The following INPP4B variants were observed in gnomAD, a reference collection of about 807,000 sequenced individuals.
INPP4B encodes inositol polyphosphate 4-phosphatase type II.
Under a neutral mutation model 122.5 loss-of-function variants are expected in INPP4B, and 55 were observed. The ratio of observed to expected loss-of-function variants is 0.45; its 90% CI spans 0.36 to 0.56. The LOEUF (loss-of-function observed/expected upper bound fraction) is 0.56. INPP4B is among the 20% of genes least tolerant of loss of function. The pLI is 0.00. For missense variants in INPP4B, 1,000 were observed against 1,097.7 expected, an observed-to-expected ratio of 0.91 and a Z score of 1.26; for synonymous variants, 403 against 388.7, an observed-to-expected ratio of 1.04 and a Z score of -0.43.
chr4:142,401,507 T>C (rs1483613148), intron 7 of INPP4B, among the ~76,000 whole-genome samples: 1 of 152,136 alleles, frequency 6.6e-6, no homozygotes, highest in African/African-American at 2.4e-5. Context: ...AAAAACAAAA[T>C]TAGTAAATAT....
At chr4:142,623,687 T>C (rs1222381563) in intron 2 of INPP4B, among the ~76,000 whole-genome samples, 1 of 151,754 alleles carries the variant, frequency 6.6e-6, no homozygotes, top group East Asian at 1.9e-4. Flanking sequence ...CATTTAGCAT[T>C]AGGTATATCT....
intron 2 of INPP4B, among the ~76,000 whole-genome samples, chr4:142,540,602 G>A (rs918485918): frequency 2.0e-5 from 3 of 152,150 alleles, no homozygotes; most frequent in South Asian, 4.1e-4. Flanking sequence ...GAAGTCCTGA[G>A]GCAGTCTGTG....
At chr4:142,401,640 ACAGT>A (rs1801627842) in intron 7 of INPP4B, among the ~76,000 whole-genome samples, 1 of 152,218 alleles carries the variant, frequency 6.6e-6, no homozygotes. Context: ...TTACTCTGTA[ACAGT>A]CAGTAACACT....
intron 1 of INPP4B, among the ~76,000 whole-genome samples, chr4:142,830,182 T>C (rs1781951580): frequency 6.6e-6 from 1 of 152,196 alleles, no homozygotes; most frequent in African/African-American, 2.4e-5. Context: ...TAGATACATA[T>C]ATATCTCCAA....
intron 25 of INPP4B, among the ~76,000 whole-genome samples, chr4:142,042,229 T>A (rs1283209098): frequency 6.6e-6 from 1 of 152,124 alleles, no homozygotes; most frequent in Non-Finnish European, 1.5e-5. Flanking sequence ...AAGCAACCAA[T>A]GCACAATGCT....
chr4:142,446,401 A>C (rs889003335), intron 3 of INPP4B, among the ~76,000 whole-genome samples: 3 of 152,134 alleles, frequency 2.0e-5, no homozygotes, highest in African/African-American at 4.8e-5. Flanking sequence ...TCAAAACCTC[A>C]AATATTGATG....
At chr4:142,199,906 A>G (rs1024047459) in intron 14 of INPP4B, among the ~76,000 whole-genome samples, 14 of 152,038 alleles carry the variant, frequency 9.2e-5, no homozygotes, top group African/African-American at 3.4e-4. Context: ...CTGGAAAGTT[A>G]GTAAAAATCT....
intron 2 of INPP4B, among the ~76,000 whole-genome samples, chr4:142,617,168 C>T (rs555492407): frequency 6.6e-6 from 1 of 152,200 alleles, no homozygotes; most frequent in African/African-American, 2.4e-5. Context: ...CACTCCTAAC[C>T]CATTATCATT....
chr4:142,564,423 GT>G (rs1731128380), intron 2 of INPP4B, among the ~76,000 whole-genome samples: 1 of 124,204 alleles, frequency 8.1e-6, no homozygotes, highest in African/African-American at 3.0e-5. Context: ...GAAAAATGTA[GT>G]GTCTTAAGGA....
intron 2 of INPP4B, among the ~76,000 whole-genome samples, chr4:142,593,356 A>C (rs1737964039): frequency 6.6e-6 from 1 of 152,068 alleles, no homozygotes; most frequent in African/African-American, 2.4e-5. Flanking sequence ...GTCACCTCTT[A>C]TACTTCTGTT....
At chr4:142,124,899 G>A (rs1798050937) in intron 18 of INPP4B, 139 bp from the exon 19 acceptor site, 1 of 668,842 alleles carries the variant, frequency 1.5e-6, no homozygotes, top group Admixed American at 3.6e-5. Flanking sequence ...TAGAGCTGAA[G>A]ATCTCTAATT....
At chr4:142,623,987 G>C (rs1560880408) in intron 2 of INPP4B, among the ~76,000 whole-genome samples, 1 of 152,048 alleles carries the variant, frequency 6.6e-6, no homozygotes, top group Non-Finnish European at 1.5e-5. Flanking sequence ...ATTTGGGTTG[G>C]TTCCAAGTCT....
intron 2 of INPP4B, among the ~76,000 whole-genome samples, chr4:142,632,872 G>GACAGTTAAGGAAAGACAGAAGGATC (rs1235266521): frequency 6.6e-6 from 1 of 151,172 alleles, no homozygotes; most frequent in Non-Finnish European, 1.5e-5. Context: ...TTCACTATAA[G>GACAGTTAAGGAAAGACAGAAGGATC]ACAGTTAAGG....
intron 2 of INPP4B, among the ~76,000 whole-genome samples, chr4:142,582,159 C>A (rs1250812407): frequency 6.6e-6 from 1 of 151,240 alleles, no homozygotes; most frequent in South Asian, 2.1e-4. Flanking sequence ...CCACTCATTT[C>A]CCTAATCTGC....
intron 1 of INPP4B, among the ~76,000 whole-genome samples, chr4:142,804,375 G>A (rs1778410219): frequency 6.6e-6 from 1 of 152,120 alleles, no homozygotes; most frequent in Non-Finnish European, 1.5e-5. Flanking sequence ...GCACTCTGCT[G>A]CTTCTCAAAC....
intron 1 of INPP4B, among the ~76,000 whole-genome samples, chr4:142,729,710 A>C (rs1765815229): frequency 6.6e-6 from 1 of 152,176 alleles, no homozygotes; most frequent in African/African-American, 2.4e-5. Context: ...GATGCAGGTC[A>C]TACTGTCTCA....
intron 2 of INPP4B, among the ~76,000 whole-genome samples, chr4:142,637,346 C>T (rs1006567068): frequency 2.0e-5 from 3 of 152,126 alleles, no homozygotes; most frequent in Non-Finnish European, 4.4e-5. Context: ...TATGTCATGC[C>T]TATTCATCCC....
intron 7 of INPP4B, among the ~76,000 whole-genome samples, chr4:142,371,775 A>G (rs1377664659): frequency 6.6e-6 from 1 of 152,030 alleles, no homozygotes; most frequent in African/African-American, 2.4e-5. Flanking sequence ...AAAAATACAA[A>G]AAATAACAAA....
intron 3 of INPP4B, among the ~76,000 whole-genome samples, chr4:142,458,555 C>A (rs1011788003): frequency 6.6e-6 from 1 of 151,652 alleles, no homozygotes; most frequent in Admixed American, 6.6e-5. Context: ...AAGAGAGGAA[C>A]AATTTGAAAG....
Sources: allele counts gnomAD v4.1 joint callset (sites outside exome capture counted in the v4.1 genomes callset), GRCh38; gene constraint gnomAD v4.1.1; transcripts MANE v1.5; gene names NCBI Gene and HGNC (gene_info 2026-07-23, HGNC 2026-07-21).